EBF2: variants seen among roughly 807,000 people sequenced by gnomAD.
EBF2 encodes transcription factor COE2.
A neutral mutation model predicts 72.8 loss-of-function variants in EBF2; 21 were observed. The observed-to-expected ratio is 0.29, with a 90% CI of 0.20 to 0.42. The LOEUF is 0.42. Ranked by LOEUF, EBF2 falls within the 10% of genes least tolerant of loss-of-function variation. The probability of loss-of-function intolerance (pLI) is 1.00; values close to 1 mark genes in which losing one functional copy is unlikely to be tolerated. For synonymous variants in EBF2, 299 were observed against 274.2 expected (o/e 1.09, Z -0.89); for missense variants, 637 against 731.2 (o/e 0.87, Z 1.49).
At chr8:25,964,005 C>A (rs1021426210) in intron 6 of EBF2, among the ~76,000 whole-genome samples, 2 of 152,090 alleles carry the variant, frequency 1.3e-5, no homozygotes, top group Admixed American at 6.5e-5. Flanking sequence ...GCTGATGAAG[C>A]ACTGTCTATA....
At chr8:25,914,190 G>A (rs1462117619) in intron 6 of EBF2, among the ~76,000 whole-genome samples, 8 of 152,172 alleles carry the variant, frequency 5.3e-5, no homozygotes, top group Non-Finnish European at 1.2e-4. Context: ...AACTCACTCT[G>A]CTTCGTATGG....
intron 6 of EBF2, among the ~76,000 whole-genome samples, chr8:26,011,907 C>CCCTCCTGGAATGCCT (rs1805030780): frequency 6.6e-6 from 1 of 151,956 alleles, no homozygotes; most frequent in Non-Finnish European, 1.5e-5. Context: ...GGCAAGCGTC[C>CCCTCCTGGAATGCCT]CCTCCTGGAA....
chr8:25,934,150 A>C (rs560834433), intron 6 of EBF2, among the ~76,000 whole-genome samples: 1 of 151,204 alleles, frequency 6.6e-6, no homozygotes, highest in African/African-American at 2.4e-5. Flanking sequence ...GGGAAAAAGA[A>C]TGGTCAGCTA....
intron 1 of EBF2, among the ~76,000 whole-genome samples, chr8:26,043,256 G>A (rs1233141630): frequency 6.6e-6 from 1 of 152,252 alleles, no homozygotes; most frequent in Non-Finnish European, 1.5e-5. Context: ...GATTGCGGGA[G>A]CTGCCCTGCG....
chr8:26,044,992 T>A lies in EBF2; in HGVS notation c.-133A>T. The A allele has an allele frequency of 1.0e-6, 1 of 958,062 alleles. No individual in the cohort carries two copies. Among genetic ancestry groups the A allele is most frequent in the Non-Finnish European group, 1.5e-6 (1 of 664,186 alleles). The allele number at this position is 958,062 out of a possible 1,614,324, so 59.3% of individuals were successfully genotyped here. On this transcript the variant is annotated 5_prime_UTR_variant, in exon 1 of 16. Transcript: ENST00000520164. The surrounding 1 kb of genome is among the most constrained non-coding windows in gnomAD (Gnocchi z 4.1). ...AAGGGATCAAGTGCCCAAGTTTGAG[T>A]CTTAGAAAAAAAAAAAAGATAACCC...
intron 6 of EBF2, among the ~76,000 whole-genome samples, chr8:25,958,296 G>A (rs1249408216): frequency 6.6e-6 from 1 of 152,202 alleles, no homozygotes; most frequent in African/African-American, 2.4e-5. Flanking sequence ...CAATAGATTG[G>A]AACAATCTGA....
intron 6 of EBF2, among the ~76,000 whole-genome samples, chr8:26,007,170 C>T (rs1007553916): frequency 2.6e-5 from 4 of 152,148 alleles, no homozygotes; most frequent in African/African-American, 7.2e-5. Flanking sequence ...TTTTCTTCTG[C>T]GATCTGATCA....
intron 6 of EBF2, among the ~76,000 whole-genome samples, chr8:25,996,295 C>CAA (rs72054331): frequency 0.018 from 2,292 of 125,460 alleles, 30 homozygotes; most frequent in African/African-American, 0.03. Flanking sequence ...GACCCTGTCT[C>CAA]AAAAAAAAAA....
Position 26,018,275 on chromosome 8 carries a change from G to GA in EBF2, c.551+14809dup, listed in dbSNP as rs1039906162. Among the ~76,000 whole-genome samples, 5 of 149,290 alleles carry GA rather than the reference G, an allele frequency of 3.3e-5. No individual in the cohort carries two copies. The East Asian group carries it at 5.9e-4, about 18-fold the overall frequency. On this transcript the variant is annotated intron_variant, in intron 6 of 15. Coordinates refer to ENST00000520164, the MANE Select transcript of EBF2 (RefSeq NM_022659.4). ...ATGGGAGCCAGAGGGAGGAGAGACAGAAAAAAAAGACAGACATAAAATGAG... is the reference window on the plus strand; with the variant it reads ...ATGGGAGCCAGAGGGAGGAGAGACAGAAAAAAAAAGACAGACATAAAATGAG...
chr8:26,012,256 C>A (rs532006003), intron 6 of EBF2, among the ~76,000 whole-genome samples: 1 of 152,082 alleles, frequency 6.6e-6, no homozygotes, highest in African/African-American at 2.4e-5. Context: ...TGGAAGGTTG[C>A]CTTTGCTTAG....
chr8:25,975,532 A>G (rs1243814764), intron 6 of EBF2, among the ~76,000 whole-genome samples: 2 of 152,360 alleles, frequency 1.3e-5, no homozygotes, highest in East Asian at 3.9e-4. Flanking sequence ...GGTTATTAAT[A>G]TGCTGATCAT....
intron 6 of EBF2, among the ~76,000 whole-genome samples, chr8:25,974,749 C>G (rs1025725908): frequency 6.6e-6 from 1 of 152,108 alleles, no homozygotes; most frequent in African/African-American, 2.4e-5. Flanking sequence ...TCCCCCTGCC[C>G]CCCCATCCTA....
chr8:25,985,150 C>G (rs1044729165), intron 6 of EBF2, among the ~76,000 whole-genome samples: 2 of 152,174 alleles, frequency 1.3e-5, no homozygotes, highest in African/African-American at 4.8e-5. Flanking sequence ...TAACTCAAGC[C>G]TCCAACGTCT....
intron 10 of EBF2, 51 bp downstream of exon 10, chr8:25,886,704 C>T (rs372836065): frequency 1.3e-6 from 2 of 1,563,112 alleles, no homozygotes; most frequent in Non-Finnish European, 1.7e-6. Context: ...TGGGAACTAG[C>T]GCAAAGGCAA....
At chr8:26,037,254 G>A (rs1416729676) in intron 5 of EBF2, among the ~76,000 whole-genome samples, 1 of 152,142 alleles carries the variant, frequency 6.6e-6, no homozygotes, top group Non-Finnish European at 1.5e-5. Flanking sequence ...GGGAAAAAGA[G>A]GAATAAAAGA....
At chr8:26,028,215 TG>T (rs1194478323) in intron 6 of EBF2, among the ~76,000 whole-genome samples, 1 of 152,212 alleles carries the variant, frequency 6.6e-6, no homozygotes, top group Admixed American at 6.5e-5. Context: ...CAGATCTTTT[TG>T]AATAAACCTT....
chr8:25,989,708 G>A (rs1804515020), intron 6 of EBF2, among the ~76,000 whole-genome samples: 1 of 152,208 alleles, frequency 6.6e-6, no homozygotes, highest in Non-Finnish European at 1.5e-5. Context: ...AAGACATTGT[G>A]TATTCCATGT....
chr8:25,959,551 C>T (rs560131677), intron 6 of EBF2, among the ~76,000 whole-genome samples: 30 of 152,144 alleles, frequency 2.0e-4, no homozygotes, highest in Admixed American at 4.6e-4. Context: ...AAAAATGTAA[C>T]GGCCATTTTT....
At chr8:25,988,457 C>T (rs139793815) in intron 6 of EBF2, among the ~76,000 whole-genome samples, 3 of 152,240 alleles carry the variant, frequency 2.0e-5, no homozygotes, top group African/African-American at 7.2e-5. Context: ...TTTTAATCTG[C>T]CAAAACTTAT....
Sources: allele counts gnomAD v4.1 joint callset (sites outside exome capture counted in the v4.1 genomes callset), GRCh38; gene constraint gnomAD v4.1.1; non-coding constraint Gnocchi (gnomAD v3.1); transcripts MANE v1.5; gene names NCBI Gene and HGNC (gene_info 2026-07-23, HGNC 2026-07-21).